The following CDK7 variants were observed in gnomAD, a reference collection of about 807,000 sequenced individuals.
CDK7 encodes the protein cyclin dependent kinase 7, also known as cyclin-dependent kinase 7.
Under a neutral mutation model 49.1 loss-of-function variants are expected in CDK7, and 25 were observed. The ratio of observed to expected loss-of-function variants is 0.51; its 90% CI spans 0.37 to 0.71. The LOEUF (loss-of-function observed/expected upper bound fraction) is 0.71, where lower values mean the gene tolerates loss of function less well. Among genes scored for constraint, CDK7 ranks in the 30% least tolerant of loss-of-function variants. The probability of loss-of-function intolerance (pLI) is 0.00; values close to 1 mark genes in which losing one functional copy is unlikely to be tolerated. For synonymous variants in CDK7, 107 were observed against 140.0 expected (o/e 0.76, Z 1.67); for missense variants, 316 against 411.7 (o/e 0.77, Z 2.01).
chr5:69,265,896 CAA>C (rs1185639620), intron 8 of CDK7, among the ~76,000 whole-genome samples: 1 of 149,348 alleles, frequency 6.7e-6, no homozygotes, highest in African/African-American at 2.4e-5. Context: ...GGTGACAGAG[CAA>C]GACACTAGCT....
chr5:69,266,537 G>A (rs1253819727), intron 8 of CDK7, among the ~76,000 whole-genome samples: 3 of 152,124 alleles, frequency 2.0e-5, no homozygotes, highest in Non-Finnish European at 4.4e-5. Context: ...TAAACCAACG[G>A]GAAGACATGA....
chr5:69,263,992 T>G (rs1299593717), intron 8 of CDK7, among the ~76,000 whole-genome samples: 4 of 152,244 alleles, frequency 2.6e-5, no homozygotes, highest in Non-Finnish European at 5.9e-5. Context: ...TTTGTCCTAT[T>G]TTAAGCTGTT....
intron 2 of CDK7, among the ~76,000 whole-genome samples, chr5:69,246,167 C>G (rs1213897416): frequency 6.6e-6 from 1 of 151,982 alleles, no homozygotes; most frequent in Non-Finnish European, 1.5e-5. Flanking sequence ...GATGGAGTCT[C>G]GCTCTGTCGC....
chr5:69,271,430 T>G (rs942226697), intron 9 of CDK7, among the ~76,000 whole-genome samples: 3 of 152,170 alleles, frequency 2.0e-5, no homozygotes, highest in Non-Finnish European at 4.4e-5. Flanking sequence ...GGTTTGTCAC[T>G]TTTTCTTTAA....
chr5:69,253,274 A>T (rs879333972), intron 3 of CDK7, among the ~76,000 whole-genome samples: 76 of 151,854 alleles, frequency 5.0e-4, no homozygotes, highest in Middle Eastern at 3.4e-3. Flanking sequence ...TATTTTGTTT[A>T]TTTTTTTTGA....
chr5:69,270,116 G>T (rs192878056), intron 9 of CDK7, among the ~76,000 whole-genome samples: 2 of 145,112 alleles, frequency 1.4e-5, no homozygotes, highest in Non-Finnish European at 3.0e-5. Flanking sequence ...TATTATTCAC[G>T]TGCAATTGTG....
chr5:69,251,347 C>T (rs1376466074), intron 2 of CDK7, among the ~76,000 whole-genome samples: 2 of 151,938 alleles, frequency 1.3e-5, no homozygotes, highest in Admixed American at 6.6e-5. Context: ...ATCCACCTGC[C>T]TCGGCCTCCC....
intron 8 of CDK7, among the ~76,000 whole-genome samples, chr5:69,263,532 TTAAAA>T (rs779637774): frequency 4.6e-5 from 7 of 152,130 alleles, no homozygotes; most frequent in Non-Finnish European, 7.4e-5. Context: ...CCCCAATCTC[TTAAAA>T]TAAAAAAAAG....
intron 6 of CDK7, among the ~76,000 whole-genome samples, chr5:69,258,814 T>C (rs1750648698): frequency 6.6e-6 from 1 of 152,148 alleles, no homozygotes. Context: ...GGTGGCTCAC[T>C]TTTGTGTTGC....
At chr5:69,253,653 A>G (rs756463676) in intron 3 of CDK7, among the ~76,000 whole-genome samples, 1 of 152,200 alleles carries the variant, frequency 6.6e-6, no homozygotes, top group Non-Finnish European at 1.5e-5. Context: ...ATATGCCACT[A>G]ATATTTGTAG....
chr5:69,241,769 C>T (rs1437226916), intron 2 of CDK7, among the ~76,000 whole-genome samples: 1 of 152,106 alleles, frequency 6.6e-6, no homozygotes, highest in Non-Finnish European at 1.5e-5. Context: ...AGATTTTTTT[C>T]ATATAGAGTT....
At chr5:69,250,682 A>G in intron 2 of CDK7, 1 of 456,354 alleles carries the variant, frequency 2.2e-6, no homozygotes, top group Non-Finnish European at 4.4e-6. Context: ...CAGGGCAACC[A>G]AGCTGGTCCC....
intron 2 of CDK7, among the ~76,000 whole-genome samples, chr5:69,249,934 A>G (rs1750029878): frequency 1.3e-5 from 2 of 152,142 alleles, no homozygotes; most frequent in Admixed American, 1.3e-4. Flanking sequence ...AATTCTTTCA[A>G]GTATTTGTTG....
chr5:69,269,988 T>G (rs934062784), intron 9 of CDK7, among the ~76,000 whole-genome samples: 3 of 150,398 alleles, frequency 2.0e-5, no homozygotes, highest in Non-Finnish European at 3.0e-5. Context: ...TCCCAGCACT[T>G]TGGGAGGCTG....
intron 9 of CDK7, 124 bp from the exon 10 acceptor site, chr5:69,272,768 G>A: frequency 2.0e-6 from 1 of 511,850 alleles, no homozygotes; most frequent in Non-Finnish European, 3.3e-6. Flanking sequence ...CTAGTTCTAG[G>A]ACTTTTTAAT....
chr5:69,264,755 A>G (rs2972361), intron 8 of CDK7, among the ~76,000 whole-genome samples: 91,481 of 151,384 alleles, frequency 0.6, 28,120 homozygotes, highest in African/African-American at 0.72. Flanking sequence ...TGGATCACCC[A>G]AGGTTGGGAG....
intron 2 of CDK7, among the ~76,000 whole-genome samples, chr5:69,249,149 C>CT (rs1749967515): frequency 6.6e-6 from 1 of 151,894 alleles, no homozygotes; most frequent in Non-Finnish European, 1.5e-5. Context: ...GTAGGCACGT[C>CT]TCATTTCTTT....
At chr5:69,260,438 T>G (rs1276117662) in intron 7 of CDK7, among the ~76,000 whole-genome samples, 1 of 152,192 alleles carries the variant, frequency 6.6e-6, no homozygotes, top group Non-Finnish European at 1.5e-5. Flanking sequence ...TAGCCCCTTT[T>G]CAAACAGAGT....
rs35239844 is a variant in CDK7, at chr5:69,254,521, C to CAAA, written c.161-65_161-63dup. 5.4e-3 allele frequency: 2,597 copies of CAAA among 476,604 alleles called. 6 individuals carry two copies. The highest frequency in any genetic ancestry group is 8.8e-3 in the South Asian group (356 of 40,276). The allele number at this position is 476,604 out of a possible 1,614,324, so 29.5% of individuals were successfully genotyped here. On this transcript the variant is annotated intron_variant, in intron 3 of 11. Transcript: ENST00000256443. Reference sequence around the variant, plus strand: ...TGGGCGACAGAGCGAGACTCCATCTCAAAAAAAAAAAAAAAAAAGAAGTGT... The same window carrying CAAA: ...TGGGCGACAGAGCGAGACTCCATCTCAAAAAAAAAAAAAAAAAAAAAGAAGTGT...
Sources: gnomAD v4.1 joint callset for allele counts (sites outside exome capture counted in the v4.1 genomes callset) on GRCh38, gnomAD v4.1.1 for gene constraint, MANE v1.5 for transcripts, NCBI Gene and HGNC (gene_info 2026-07-23, HGNC 2026-07-21) for gene names.